PRH1: variants seen among roughly 807,000 people sequenced by gnomAD.
PRH1 encodes the protein proline rich protein HaeIII subfamily 1, also known as salivary acidic proline-rich phosphoprotein 1/2.
A neutral mutation model predicts 7.9 loss-of-function variants in PRH1; 7 were observed. The ratio of observed to expected loss-of-function variants is 0.89; its 90% CI spans 0.50 to 1.67. The LOEUF (loss-of-function observed/expected upper bound fraction) is 1.67. Ranked by LOEUF, PRH1 falls within the 40% of genes most tolerant of loss-of-function variation. The probability of loss-of-function intolerance (pLI) is 0.00; values close to 1 mark genes in which losing one functional copy is unlikely to be tolerated. For missense variants in PRH1, 109 were observed against 223.6 expected, an observed-to-expected ratio of 0.49 and a Z score of 3.27; for synonymous variants, 45 against 80.8, an observed-to-expected ratio of 0.56 and a Z score of 2.38.
intron 2 of PRH1, among the ~76,000 whole-genome samples, chr12:10,949,641 T>G (rs187067262): frequency 6.6e-6 from 1 of 152,172 alleles, no homozygotes; most frequent in Non-Finnish European, 1.5e-5. Context: ...TTTTTTATTA[T>G]TTTACTTTAT....
chr12:11,125,837 A>G (rs1313512655), intron 1 of PRH1, among the ~76,000 whole-genome samples: 1 of 99,728 alleles, frequency 1.0e-5, no homozygotes, highest in Non-Finnish European at 2.2e-5. Flanking sequence ...CAAAATAAGA[A>G]TAACATTAAG....
chr12:11,098,585 C>T (rs1475541064), intron 1 of PRH1, among the ~76,000 whole-genome samples: 2 of 152,190 alleles, frequency 1.3e-5, no homozygotes, highest in African/African-American at 2.4e-5. Flanking sequence ...AGTTTTATAA[C>T]CCAATACATA....
intron 2 of PRH1, among the ~76,000 whole-genome samples, chr12:10,900,896 A>G (rs1949713652): frequency 6.6e-6 from 1 of 151,972 alleles, no homozygotes; most frequent in African/African-American, 2.4e-5. Context: ...AGCACCCTGA[A>G]CCACCTAACC....
rs779757750 is a variant in PRH1, at chr12:10,908,460, A to G, written c.-58-24185T>C. The G allele has an allele frequency of 2.2e-5, 35 of 1,613,828 alleles. No individual in the cohort carries two copies. The highest frequency in any genetic ancestry group is 3.0e-5 in the Non-Finnish European group (35 of 1,179,908). On this transcript the variant is annotated intron_variant, in intron 2 of 3. Transcript: ENST00000539853. ...TAACTTAGCGTTTCCTAGAATCAGA[A>G]GAAAGGAGTGGCTTGAAGGAGAGAA...
chr12:11,136,135 G>C (rs895276473), intron 1 of PRH1, among the ~76,000 whole-genome samples: 1 of 152,112 alleles, frequency 6.6e-6, no homozygotes, highest in African/African-American at 2.4e-5. Context: ...AATTTATATT[G>C]ATTATTTCCT....
intron 2 of PRH1, chr12:10,937,974 T>C (rs1303166182): frequency 3.4e-6 from 1 of 293,320 alleles, no homozygotes; most frequent in East Asian, 6.3e-5. Context: ...ATTTTATACA[T>C]TATAGGTTTT....
At chr12:11,079,674 TAGAC>T (rs1944433128) in intron 1 of PRH1, among the ~76,000 whole-genome samples, 2 of 117,764 alleles carry the variant, frequency 1.7e-5, no homozygotes, top group African/African-American at 5.7e-5. Flanking sequence ...AAGGGAAAAA[TAGAC>T]AGAGAATGTC....
At chr12:10,949,155 G>A (rs1950531796) in intron 2 of PRH1, among the ~76,000 whole-genome samples, 1 of 152,166 alleles carries the variant, frequency 6.6e-6, no homozygotes, top group Non-Finnish European at 1.5e-5. Context: ...TAGCACTGAA[G>A]AGATCTTAGT....
At chr12:11,171,001 C>A (rs971320376) in intron 1 of PRH1, among the ~76,000 whole-genome samples, 1 of 152,224 alleles carries the variant, frequency 6.6e-6, no homozygotes, top group South Asian at 2.1e-4. Context: ...TTGGCCCTTA[C>A]AAATTTTGTG....
At chr12:10,939,077 A>T (rs758851678) in intron 2 of PRH1, 4 of 1,614,022 alleles carry the variant, frequency 2.5e-6, no homozygotes, top group Non-Finnish European at 3.4e-6. Context: ...GATCCGATCA[A>T]CCGAAGAGAT....
intron 1 of PRH1, among the ~76,000 whole-genome samples, chr12:11,039,585 ATGACACAT>A (rs1565582727): frequency 6.6e-6 from 1 of 152,260 alleles, no homozygotes; most frequent in Non-Finnish European, 1.5e-5. Flanking sequence ...CAATACACAG[ATGACACAT>A]TGGTTTTATT....
At chr12:10,948,356 T>A (rs972426383) in intron 2 of PRH1, among the ~76,000 whole-genome samples, 4 of 152,230 alleles carry the variant, frequency 2.6e-5, no homozygotes, top group African/African-American at 9.6e-5. Flanking sequence ...TTTGTCTGAC[T>A]GTATTATTTC....
At position 11,061,784 on chromosome 12, in the gene PRH1, C is replaced by T. The variant is rs115475128; in HGVS notation, n.124-14596G>A. On this transcript the variant is annotated intron_variant and non_coding_transcript_variant, in intron 1 of 4. Coordinates refer to the PRH1 transcript ENST00000541977. ...ACCGTTGTATTTGAAAGGTACATTG[C>T]ACTCCTCAGTTTGATCTTCCAAGTC... 1.1e-4 allele frequency: 177 copies of T among 1,614,130 alleles called. No individual in the cohort carries two copies. In the African/African-American group the frequency reaches 2.3e-3, roughly 21 times the overall value.
rs149678032 is a variant in PRH1 at position 10,966,889 on chromosome 12, G to A, written c.-59+6766C>T. Among the ~76,000 whole-genome samples the A allele has an allele frequency of 5.4e-3, 821 of 152,300 alleles. 15 individuals carry two copies. The highest frequency in any genetic ancestry group is 0.019 in the African/African-American group (783 of 41,558). ...CCAGCACTTTGGGAGGCTGAGGTGGGCAGATCAAGAGATCAGGGGATCGAG... is the reference window on the plus strand; with the variant it reads ...CCAGCACTTTGGGAGGCTGAGGTGGACAGATCAAGAGATCAGGGGATCGAG... On this transcript the variant is annotated intron_variant, in intron 2 of 3. Coordinates refer to the PRH1 transcript ENST00000539853.
chr12:11,070,889 T>A (rs1374473837), intron 1 of PRH1, among the ~76,000 whole-genome samples: 1 of 152,184 alleles, frequency 6.6e-6, no homozygotes, highest in Non-Finnish European at 1.5e-5. Flanking sequence ...CTGTATCTAG[T>A]ACAGTGGCAT....
intron 2 of PRH1, among the ~76,000 whole-genome samples, chr12:10,948,528 T>C (rs2135908620): frequency 6.6e-6 from 1 of 152,322 alleles, no homozygotes; most frequent in South Asian, 2.1e-4. Flanking sequence ...AGCTCCTGTA[T>C]CACATTATTG....
intron 1 of PRH1, among the ~76,000 whole-genome samples, chr12:11,103,458 G>C (rs933495404): frequency 1.4e-4 from 21 of 150,346 alleles, no homozygotes; most frequent in African/African-American, 5.1e-4. Flanking sequence ...CAAACTCCAC[G>C]TGTTCTCACT....
intron 1 of PRH1, among the ~76,000 whole-genome samples, chr12:11,154,170 C>T (rs1430584622): frequency 6.6e-6 from 1 of 152,142 alleles, no homozygotes; most frequent in East Asian, 1.9e-4. Flanking sequence ...CGGATACAAT[C>T]AAACAATGCC....
chr12:11,139,950 T>C (rs1312415603), intron 1 of PRH1, among the ~76,000 whole-genome samples: 2 of 152,072 alleles, frequency 1.3e-5, no homozygotes, highest in Non-Finnish European at 2.9e-5. Flanking sequence ...TTATATAACA[T>C]ATTATTAAAC....
Sources: allele counts gnomAD v4.1 joint callset (sites outside exome capture counted in the v4.1 genomes callset), GRCh38; gene constraint gnomAD v4.1.1; transcripts MANE v1.5; gene names NCBI Gene and HGNC (gene_info 2026-07-23, HGNC 2026-07-21).